The following SLC4A4 variants were observed in gnomAD, a reference collection of about 807,000 sequenced individuals.
SLC4A4 encodes electrogenic sodium bicarbonate cotransporter 1.
A neutral mutation model predicts 111.5 loss-of-function variants in SLC4A4; 27 were observed. The observed-to-expected ratio is 0.24, with a 90% CI of 0.18 to 0.33. The LOEUF is 0.33. Ranked by LOEUF, SLC4A4 falls within the 10% of genes least tolerant of loss-of-function variation. SLC4A4 has a pLI of 1.00. For synonymous variants in SLC4A4, 443 were observed against 463.4 expected, an observed-to-expected ratio of 0.96 and a Z score of 0.57; for missense variants, 909 against 1,315.5, an observed-to-expected ratio of 0.69 and a Z score of 4.78.
intron 8 of SLC4A4, among the ~76,000 whole-genome samples, chr4:71,445,538 A>G (rs562502999): frequency 3.3e-5 from 5 of 152,270 alleles, no homozygotes; most frequent in African/African-American, 1.2e-4. Context: ...AGATACATGA[A>G]GATAATAAAA....
chr4:71,527,111 T>C (rs889668152), intron 16 of SLC4A4, among the ~76,000 whole-genome samples: 2 of 152,082 alleles, frequency 1.3e-5, no homozygotes, highest in Non-Finnish European at 2.9e-5. Flanking sequence ...GACGTGGGCA[T>C]CTTTAGGGGT....
At chr4:71,146,740 A>C (rs898534262) in intron 2 of SLC4A4, among the ~76,000 whole-genome samples, 2 of 152,132 alleles carry the variant, frequency 1.3e-5, no homozygotes, top group Non-Finnish European at 2.9e-5. Context: ...TGAAGGAAGC[A>C]CTAAACATGG....
intron 3 of SLC4A4, among the ~76,000 whole-genome samples, chr4:71,318,746 A>G (rs1726894332): frequency 6.6e-6 from 1 of 152,028 alleles, no homozygotes; most frequent in South Asian, 2.1e-4. Context: ...GAGTTTACTT[A>G]ACTATAATTT....
At chr4:71,386,053 T>A (rs556970624) in intron 6 of SLC4A4, among the ~76,000 whole-genome samples, 2 of 152,130 alleles carry the variant, frequency 1.3e-5, no homozygotes, top group East Asian at 3.9e-4. Context: ...TATATTTTTT[T>A]CATGCTCAAT....
chr4:71,159,871 AAGTTCTATTCTATAGTTCTAT>A (rs74824586), intron 2 of SLC4A4, among the ~76,000 whole-genome samples: 3,111 of 152,202 alleles, frequency 0.02, 62 homozygotes, highest in African/African-American at 0.049. Context: ...CAGCATTCTA[AAGTTCTATTCTATAGTTCTAT>A]AGTTCTATTC....
In SLC4A4 at chr4:71,521,705, G is replaced by T. The variant is rs143625187; in HGVS notation, c.2167-10357G>T. Among the ~76,000 whole-genome samples the T allele has an allele frequency of 3.9e-3, 587 of 152,278 alleles. 5 individuals are homozygous for T. The highest frequency in any genetic ancestry group is 0.013 in the African/African-American group (541 of 41,558). Reference sequence around the variant, plus strand: ...TGGTGTCCCAGACAGTGAGACTGGGGAGCCCATAGTCGACCACACAGGTTA... The same window carrying T: ...TGGTGTCCCAGACAGTGAGACTGGGTAGCCCATAGTCGACCACACAGGTTA... On this transcript the variant is annotated intron_variant, in intron 16 of 25. Transcript: ENST00000264485.
chr4:71,324,472 A>G (rs977761438), intron 3 of SLC4A4, among the ~76,000 whole-genome samples: 64 of 152,034 alleles, frequency 4.2e-4, no homozygotes, highest in African/African-American at 1.5e-3. Context: ...TTTTTTAAAC[A>G]TGGAATTTCA....
intron 18 of SLC4A4, among the ~76,000 whole-genome samples, chr4:71,545,182 T>C (rs1269897904): frequency 2.6e-5 from 4 of 152,004 alleles, no homozygotes; most frequent in Admixed American, 6.6e-5. Context: ...GGTGAATACA[T>C]GCTTTTCTTT....
At position 71,331,207 on chromosome 4, in the gene SLC4A4, T is replaced by C. The variant is rs867330545; in HGVS notation, c.254-8163T>C. Among the ~76,000 whole-genome samples the C allele has an allele frequency of 3.9e-5, 6 of 152,166 alleles. No homozygotes were observed. In the South Asian group the frequency reaches 1.2e-3, roughly 32 times the overall value. ...AGGGATCTAGAACTAGAAATACCAT[T>C]TGACCCAGCCATCCCATTACTGGGT... On this transcript the variant is annotated intron_variant, in intron 3 of 25. Coordinates refer to ENST00000264485, the MANE Select transcript of SLC4A4 (RefSeq NM_001098484.3).
intron 7 of SLC4A4, among the ~76,000 whole-genome samples, chr4:71,399,490 C>T (rs886180762): frequency 1.9e-4 from 26 of 137,668 alleles, no homozygotes; most frequent in Admixed American, 8.1e-4. Context: ...TCCCCCTCTC[C>T]CTCCCTCCCT....
intron 2 of SLC4A4, among the ~76,000 whole-genome samples, chr4:71,139,833 A>C (rs1743948206): frequency 6.6e-6 from 1 of 152,192 alleles, no homozygotes; most frequent in Admixed American, 6.5e-5. Context: ...AGCATTTATC[A>C]TTTTTATATG....
chr4:71,439,435 C>CAAAAAAAAAAAAAAAAA (rs56283596), intron 7 of SLC4A4, among the ~76,000 whole-genome samples: 4 of 34,182 alleles, frequency 1.2e-4, no homozygotes, highest in Admixed American at 5.2e-4. Context: ...GACTCTGTCT[C>CAAAAAAAAAAAAAAAAA]AAAAAAAAAA....
chr4:71,245,829 C>T (rs1371827567), intron 2 of SLC4A4, among the ~76,000 whole-genome samples: 1 of 152,028 alleles, frequency 6.6e-6, no homozygotes, highest in African/African-American at 2.4e-5. Flanking sequence ...CTGCAAGTGC[C>T]AACATTTGGA....
At chr4:71,247,539 G>T (rs1720766425) in intron 2 of SLC4A4, among the ~76,000 whole-genome samples, 1 of 152,102 alleles carries the variant, frequency 6.6e-6, no homozygotes, top group African/African-American at 2.4e-5. Flanking sequence ...TGGAATGAGA[G>T]TGTGAACGTG....
chr4:71,448,008 T>A (rs1725388202), intron 9 of SLC4A4, among the ~76,000 whole-genome samples: 2 of 152,286 alleles, frequency 1.3e-5, no homozygotes, highest in East Asian at 3.9e-4. Flanking sequence ...AACTGATATA[T>A]GTCAAATATT....
At chr4:71,164,507 C>T (rs529154767) in intron 2 of SLC4A4, among the ~76,000 whole-genome samples, 20 of 151,332 alleles carry the variant, frequency 1.3e-4, no homozygotes, top group Non-Finnish European at 2.8e-4. Context: ...GCTTTAAACC[C>T]TAAGTGTGTT....
chr4:71,192,361 A>T (rs1745770681), intron 1 of SLC4A4, among the ~76,000 whole-genome samples: 1 of 152,112 alleles, frequency 6.6e-6, no homozygotes, highest in Non-Finnish European at 1.5e-5. Context: ...AATTCACTTT[A>T]CTCCTAGGAC....
At position 71,569,984 on chromosome 4, in the gene SLC4A4, G is replaced by A. The variant is rs1158343577; in HGVS notation, c.*2233G>A. On this transcript the variant is annotated 3_prime_UTR_variant, in exon 26 of 26. Transcript: ENST00000264485. ...TAAAATGATGAGTCTATATTATCTA[G>A]CTTTCTATTACCCTAATATAAACTG... The A allele has an allele frequency of 6.6e-6, 1 of 151,612 alleles. No homozygotes were observed. Among genetic ancestry groups the A allele is most frequent in the African/African-American group, 2.4e-5 (1 of 41,326 alleles). The allele number at this position is 151,612 out of a possible 1,614,324, so 9.4% of individuals were successfully genotyped here. A position where few individuals can be genotyped will look rare whatever the true frequency, so the allele number is the denominator to read the frequency against.
intron 11 of SLC4A4, among the ~76,000 whole-genome samples, chr4:71,453,267 G>A (rs1046614051): frequency 6.6e-6 from 1 of 152,102 alleles, no homozygotes; most frequent in Non-Finnish European, 1.5e-5. Flanking sequence ...AGACCAACTG[G>A]CTGATCTTCA....
Sources: gnomAD v4.1 joint callset for allele counts (sites outside exome capture counted in the v4.1 genomes callset) on GRCh38, gnomAD v4.1.1 for gene constraint, MANE v1.5 for transcripts, NCBI Gene and HGNC (gene_info 2026-07-23, HGNC 2026-07-21) for gene names.